The following JAKMIP2 variants were observed in gnomAD, a reference collection of about 807,000 sequenced individuals.
JAKMIP2 encodes janus kinase and microtubule-interacting protein 2.
A neutral mutation model predicts 115.0 loss-of-function variants in JAKMIP2; 25 were observed. That is an observed-to-expected ratio of 0.22 (90% confidence interval 0.16 to 0.30). The LOEUF is 0.30. JAKMIP2 is among the 10% of genes least tolerant of loss of function. JAKMIP2 has a pLI of 1.00. For synonymous variants in JAKMIP2, 334 were observed against 343.6 expected (o/e 0.97, Z 0.31); for missense variants, 642 against 957.6 (o/e 0.67, Z 4.35).
chr5:147,702,088 C>T (rs905128045), intron 1 of JAKMIP2, among the ~76,000 whole-genome samples: 5 of 152,130 alleles, frequency 3.3e-5, no homozygotes, highest in South Asian at 4.1e-4. Context: ...GAAACATGAT[C>T]CAGAGCAACT....
At chr5:147,732,125 G>A (rs1399470692) in intron 1 of JAKMIP2, among the ~76,000 whole-genome samples, 1 of 152,142 alleles carries the variant, frequency 6.6e-6, no homozygotes, top group Non-Finnish European at 1.5e-5. Flanking sequence ...CCATCCCTGA[G>A]TTTTCCTCAA....
chr5:147,706,819 A>G (rs1337094773), intron 1 of JAKMIP2, among the ~76,000 whole-genome samples: 1 of 152,104 alleles, frequency 6.6e-6, no homozygotes, highest in Non-Finnish European at 1.5e-5. Flanking sequence ...TACAATCTGA[A>G]ACACTTCAGG....
intron 1 of JAKMIP2, among the ~76,000 whole-genome samples, chr5:147,677,158 C>T (rs774156833): frequency 3.3e-5 from 5 of 152,078 alleles, no homozygotes; most frequent in Non-Finnish European, 7.4e-5. Flanking sequence ...TTTGGAGGGA[C>T]GGGGATATGT....
chr5:147,670,689 T>C (rs767482948), intron 2 of JAKMIP2, among the ~76,000 whole-genome samples: 11 of 152,244 alleles, frequency 7.2e-5, no homozygotes, highest in Non-Finnish European at 1.3e-4. Flanking sequence ...CGTAAATTTT[T>C]TTGTTCAATC....
chr5:147,702,603 G>GAAGGAAA (rs1752391073), intron 1 of JAKMIP2, among the ~76,000 whole-genome samples: 1 of 91,762 alleles, frequency 1.1e-5, no homozygotes, highest in Non-Finnish European at 2.0e-5. Context: ...AAAGAAAGAA[G>GAAGGAAA]GAAAGAAAGA....
chr5:147,737,607 G>T (rs1753974886), intron 1 of JAKMIP2, among the ~76,000 whole-genome samples: 1 of 152,166 alleles, frequency 6.6e-6, no homozygotes, highest in South Asian at 2.1e-4. Flanking sequence ...CTCACTAAAG[G>T]TGGTCAGAAT....
At chr5:147,735,447 A>G (rs758382269) in intron 1 of JAKMIP2, among the ~76,000 whole-genome samples, 5 of 152,172 alleles carry the variant, frequency 3.3e-5, no homozygotes, top group Non-Finnish European at 7.4e-5. Context: ...GAGCAAAGTC[A>G]TGTCTTAAAT....
chr5:147,655,592 T>G (rs776645803), intron 3 of JAKMIP2, among the ~76,000 whole-genome samples: 3 of 152,170 alleles, frequency 2.0e-5, no homozygotes, highest in Non-Finnish European at 4.4e-5. Flanking sequence ...TGCTCTTTTT[T>G]TCTTTATTAG....
chr5:147,632,858 T>C (rs899814033), intron 12 of JAKMIP2, 80 bp from the exon 13 acceptor site: 5 of 831,736 alleles, frequency 6.0e-6, no homozygotes, highest in Non-Finnish European at 1.0e-5. Flanking sequence ...GTGTTCAGTT[T>C]ACTCAGTGAA....
chr5:147,604,803 A>T (rs756790014), intron 20 of JAKMIP2, among the ~76,000 whole-genome samples: 3 of 2,788 alleles, frequency 1.1e-3, no homozygotes, highest in Admixed American at 0.029. Flanking sequence ...CAGACATTTT[A>T]TTATTATTAT....
intron 19 of JAKMIP2, among the ~76,000 whole-genome samples, chr5:147,617,143 T>G (rs73268104): frequency 0.061 from 9,295 of 152,222 alleles, 801 homozygotes; most frequent in African/African-American, 0.19. Context: ...TAAAAATTTT[T>G]GCTGGAAATT....
chr5:147,702,318 G>A (rs1364084256), intron 1 of JAKMIP2, among the ~76,000 whole-genome samples: 1 of 127,332 alleles, frequency 7.9e-6, no homozygotes, highest in African/African-American at 3.1e-5. Flanking sequence ...GGTGGAAGGG[G>A]GGGTGACGGA....
chr5:147,649,358 C>T (rs1758281825), intron 4 of JAKMIP2, among the ~76,000 whole-genome samples: 1 of 152,006 alleles, frequency 6.6e-6, no homozygotes. Flanking sequence ...TGCCAGACAC[C>T]ATGCTCAACA....
At chr5:147,764,920 AAGAGAGAGAG>A (rs531656100) in intron 1 of JAKMIP2, among the ~76,000 whole-genome samples, 23 of 39,490 alleles carry the variant, frequency 5.8e-4, no homozygotes, top group African/African-American at 3.1e-3. Context: ...GAAAGAAAGA[AAGAGAGAGAG>A]AGAGAGAGAG....
intron 1 of JAKMIP2, among the ~76,000 whole-genome samples, chr5:147,706,859 A>G (rs1026538799): frequency 6.6e-6 from 1 of 152,154 alleles, no homozygotes; most frequent in African/African-American, 2.4e-5. Context: ...GGGATATTCA[A>G]CCTGTATCTC....
At position 147,782,546 on chromosome 5, in the gene JAKMIP2, C is replaced by T. The variant is rs191115143; in HGVS notation, c.-239G>A. Reference sequence around the variant, plus strand: ...GACCGAGTCGGATGCAGCCTCCGAACCCAACATCAGCAGTGGCTGCCGGTT... The same window carrying T: ...GACCGAGTCGGATGCAGCCTCCGAATCCAACATCAGCAGTGGCTGCCGGTT... On this transcript the variant is annotated 5_prime_UTR_variant, in exon 1 of 22. Coordinates refer to ENST00000616793, the MANE Select transcript of JAKMIP2 (RefSeq NM_001270941.2). The T allele has an allele frequency of 4.7e-4, 663 of 1,415,746 alleles. 1 individual carries two copies. In the African/African-American group the frequency reaches 8.5e-3, roughly 18 times the overall value. The allele number at this position is 1,415,746 out of a possible 1,614,324, so 87.7% of individuals were successfully genotyped here. A position where few individuals can be genotyped will look rare whatever the true frequency, so the allele number is the denominator to read the frequency against.
chr5:147,752,431 C>A (rs1177545933), intron 1 of JAKMIP2, among the ~76,000 whole-genome samples: 3 of 152,130 alleles, frequency 2.0e-5, no homozygotes, highest in Non-Finnish European at 4.4e-5. Context: ...GACCCACAGG[C>A]CAAATCCAGC....
At chr5:147,782,368 C>T (rs529934318) in intron 1 of JAKMIP2, 88 bp downstream of exon 1, 72 of 1,313,216 alleles carry the variant, frequency 5.5e-5, no homozygotes, top group Non-Finnish European at 6.6e-5. Flanking sequence ...GCACGGGAGT[C>T]ATTGTTCAAG....
At chr5:147,686,926 C>T (rs1760598608) in intron 1 of JAKMIP2, among the ~76,000 whole-genome samples, 1 of 152,094 alleles carries the variant, frequency 6.6e-6, no homozygotes, top group Non-Finnish European at 1.5e-5. Flanking sequence ...CTATAGACAA[C>T]TTATTAGGAA....
Sources: gnomAD v4.1 joint callset for allele counts (sites outside exome capture counted in the v4.1 genomes callset) on GRCh38, gnomAD v4.1.1 for gene constraint, MANE v1.5 for transcripts, NCBI Gene and HGNC (gene_info 2026-07-23, HGNC 2026-07-21) for gene names.